The following CHRM5 variants were observed in gnomAD, a reference collection of about 807,000 sequenced individuals.
The protein encoded by CHRM5 is muscarinic acetylcholine receptor M5.
CHRM5 carries 18 observed loss-of-function variants against 39.0 expected under a neutral mutation model. That is an observed-to-expected ratio of 0.46 (90% confidence interval 0.32 to 0.68). CHRM5 has a LOEUF of 0.68. CHRM5 is among the 30% of genes least tolerant of loss of function. The pLI is 0.04. For synonymous variants in CHRM5, 241 were observed against 246.3 expected, an observed-to-expected ratio of 0.98 and a Z score of 0.20; for missense variants, 515 against 651.1, an observed-to-expected ratio of 0.79 and a Z score of 2.28.
chr15:34,011,294 C>G (rs28471985), intron 1 of CHRM5, among the ~76,000 whole-genome samples: 42,956 of 151,942 alleles, frequency 0.28, 7,521 homozygotes, highest in African/African-American at 0.49. Flanking sequence ...TTCAATAAAA[C>G]ATTGAATAAA....
chr15:34,016,241 C>CA (rs1160222200), intron 1 of CHRM5, among the ~76,000 whole-genome samples: 1 of 152,124 alleles, frequency 6.6e-6, no homozygotes, highest in Non-Finnish European at 1.5e-5. Flanking sequence ...TCTCAAAAAA[C>CA]AAAAACAAAA....
intron 1 of CHRM5, among the ~76,000 whole-genome samples, chr15:34,032,567 T>C (rs998782563): frequency 1.3e-5 from 2 of 152,198 alleles, no homozygotes; most frequent in Non-Finnish European, 2.9e-5. Context: ...ACCATCTTAC[T>C]AAGAAACAAA....
chr15:34,065,559 A>AGAAAAGCACACTTGAGGGTGCGAT lies in CHRM5; in HGVS notation c.*1247_*1270dup, dbSNP rs1900488421. The AGAAAAGCACACTTGAGGGTGCGAT allele has an allele frequency of 6.6e-6, 1 of 152,264 alleles. No individual in the cohort carries two copies. The highest frequency in any genetic ancestry group is 2.4e-5 in the African/African-American group (1 of 41,460). The allele number at this position is 152,264 out of a possible 1,614,324, so 9.4% of individuals were successfully genotyped here. On this transcript the variant is annotated 3_prime_UTR_variant, in exon 3 of 3. Transcript: ENST00000383263. ...AAATTCGGTCACAAATGAGAAGGCC[A>AGAAAAGCACACTTGAGGGTGCGAT]GAAAAGCACACTTGAGGGTGCGATG...
At chr15:34,045,285 C>T (rs2140813283) in intron 1 of CHRM5, among the ~76,000 whole-genome samples, 1 of 152,278 alleles carries the variant, frequency 6.6e-6, no homozygotes, top group East Asian at 1.9e-4. Context: ...CATTGAAATC[C>T]TGCTCTGGAT....
chr15:34,010,191 AC>A (rs1228395023), intron 1 of CHRM5, among the ~76,000 whole-genome samples: 1 of 152,210 alleles, frequency 6.6e-6, no homozygotes, highest in African/African-American at 2.4e-5. Context: ...TACTGAAGCT[AC>A]CATCCTATTT....
intron 1 of CHRM5, among the ~76,000 whole-genome samples, chr15:34,030,618 A>G (rs1187327626): frequency 2.0e-5 from 3 of 151,058 alleles, no homozygotes; most frequent in African/African-American, 2.4e-5. Flanking sequence ...GTGAGCCACC[A>G]CGCCCAGCCT....
chr15:33,999,855 T>TA (rs1314675885), intron 1 of CHRM5, among the ~76,000 whole-genome samples: 2 of 152,036 alleles, frequency 1.3e-5, no homozygotes, highest in Non-Finnish European at 2.9e-5. Flanking sequence ...AACACAGGAG[T>TA]GTTATATCAC....
At chr15:34,002,387 C>T (rs1315266932) in intron 1 of CHRM5, among the ~76,000 whole-genome samples, 2 of 142,302 alleles carry the variant, frequency 1.4e-5, no homozygotes, top group East Asian at 2.5e-4. Context: ...TAAACTCTTA[C>T]GCCACACCTC....
At chr15:33,991,840 A>G (rs1752644279) in intron 1 of CHRM5, 1 of 152,484 alleles carries the variant, frequency 6.6e-6, no homozygotes, top group Admixed American at 6.5e-5. Flanking sequence ...ATCACCAAGA[A>G]TCTCTAAACA....
At chr15:33,988,083 T>C (rs575379582) in intron 1 of CHRM5, among the ~76,000 whole-genome samples, 6 of 152,330 alleles carry the variant, frequency 3.9e-5, no homozygotes, top group African/African-American at 1.2e-4. Context: ...CTCCCAAGCC[T>C]TGGGGCTTCT....
At chr15:34,030,503 G>A (rs1450837165) in intron 1 of CHRM5, among the ~76,000 whole-genome samples, 2 of 151,812 alleles carry the variant, frequency 1.3e-5, no homozygotes, top group Non-Finnish European at 2.9e-5. Flanking sequence ...CTGCCACCTC[G>A]CCCGGCTAAT....
At chr15:34,005,669 G>A (rs1018027236) in intron 1 of CHRM5, among the ~76,000 whole-genome samples, 4 of 152,086 alleles carry the variant, frequency 2.6e-5, no homozygotes, top group African/African-American at 7.2e-5. Context: ...CTCTTTCATC[G>A]AGGAAATTGT....
intron 1 of CHRM5, among the ~76,000 whole-genome samples, chr15:33,989,899 C>T (rs1018885650): frequency 2.3e-4 from 34 of 150,318 alleles, no homozygotes; most frequent in Non-Finnish European, 4.4e-5. Context: ...ACACTAGATG[C>T]TATTAGAACG....
chr15:34,045,843 A>G (rs912932663), intron 1 of CHRM5, among the ~76,000 whole-genome samples: 1 of 152,180 alleles, frequency 6.6e-6, no homozygotes, highest in Admixed American at 6.5e-5. Flanking sequence ...GCTTTGCTTC[A>G]TTTGTAATGT....
At chr15:34,037,088 A>C (rs924203181) in intron 1 of CHRM5, among the ~76,000 whole-genome samples, 4 of 149,594 alleles carry the variant, frequency 2.7e-5, no homozygotes, top group African/African-American at 1.0e-4. Context: ...CAGCCTGGGC[A>C]ACAAGAGTAA....
chr15:34,016,169 G>A (rs554476794), intron 1 of CHRM5, among the ~76,000 whole-genome samples: 29 of 152,230 alleles, frequency 1.9e-4, no homozygotes, highest in Non-Finnish European at 3.4e-4. Context: ...CCAGCTACTC[G>A]GTTACAGTGA....
At chr15:33,995,114 T>G (rs73387915) in intron 1 of CHRM5, among the ~76,000 whole-genome samples, 13,771 of 151,804 alleles carry the variant, frequency 0.091, 732 homozygotes, top group South Asian at 0.21. Flanking sequence ...AATGAAGAAA[T>G]CAGCCAGGTG....
intron 1 of CHRM5, chr15:33,990,784 A>G (rs996806939): frequency 3.3e-5 from 5 of 152,240 alleles, no homozygotes; most frequent in Non-Finnish European, 7.3e-5. Flanking sequence ...ATTTGCCGTA[A>G]GACGAATTTT....
rs1268452803 is a variant in CHRM5 at position 34,063,213 on chromosome 15, A to G, written c.496A>G (p.Ile166Val). 1 of 1,614,158 alleles carries G rather than the reference A, an allele frequency of 6.2e-7. No individual in the cohort carries two copies. ...LISFILWAPA[I>V]LCWQYLVGKR... ...CTCCTTCATCCTCTGGGCCCCAGCAATCCTCTGCTGGCAGTACTTGGTTGG... is the reference window on the plus strand; with the variant it reads ...CTCCTTCATCCTCTGGGCCCCAGCAGTCCTCTGCTGGCAGTACTTGGTTGG... Residue 166 changes from isoleucine to valine, a missense_variant, in exon 3 of 3, where the codon ATC (isoleucine) becomes GTC (valine). By Grantham distance (29) the Ile-to-Val change is conservative. Coordinates refer to ENST00000383263, the MANE Select transcript of CHRM5 (RefSeq NM_012125.4). This position sits in a 1 kb window ranked among gnomAD's most constrained non-coding sequence, Gnocchi z 4.1.
Sources: allele counts gnomAD v4.1 joint callset (sites outside exome capture counted in the v4.1 genomes callset), GRCh38; gene constraint gnomAD v4.1.1; non-coding constraint Gnocchi (gnomAD v3.1); transcripts MANE v1.5; gene names NCBI Gene and HGNC (gene_info 2026-07-23, HGNC 2026-07-21).